The following SDK1 variants were observed in gnomAD, a reference collection of about 807,000 sequenced individuals.
SDK1 encodes sidekick cell adhesion molecule 1, also known as protein sidekick-1.
SDK1 carries 157 observed loss-of-function variants against 245.5 expected under a neutral mutation model. The ratio of observed to expected loss-of-function variants is 0.64; its 90% CI spans 0.56 to 0.73. The LOEUF is 0.73. Ranked by LOEUF, SDK1 falls within the 30% of genes least tolerant of loss-of-function variation. The probability of loss-of-function intolerance (pLI) is 0.00; values close to 1 mark genes in which losing one functional copy is unlikely to be tolerated. For missense variants in SDK1, 3,583 were observed against 3,002.3 expected, an observed-to-expected ratio of 1.19 and a Z score of -4.52; for synonymous variants, 1,647 against 1,278.5, an observed-to-expected ratio of 1.29 and a Z score of -6.15.
intron 1 of SDK1, among the ~76,000 whole-genome samples, chr7:3,384,574 T>C (rs1781564282): frequency 6.8e-6 from 1 of 146,586 alleles, no homozygotes; most frequent in Non-Finnish European, 1.5e-5. Context: ...TTTCCACTCT[T>C]GTTTTACATC....
intron 16 of SDK1, among the ~76,000 whole-genome samples, chr7:4,016,220 C>T (rs373466168): frequency 6.6e-6 from 1 of 152,220 alleles, no homozygotes; most frequent in African/African-American, 2.4e-5. Context: ...TTTCCACATG[C>T]CGTGAAAAGC....
intron 35 of SDK1, among the ~76,000 whole-genome samples, chr7:4,180,669 C>T (rs1019472343): frequency 3.9e-5 from 6 of 152,188 alleles, no homozygotes; most frequent in South Asian, 2.1e-4. Context: ...CTGCAGGCTG[C>T]GCAGGAAGCA....
chr7:3,445,934 G>T (rs544991961), intron 1 of SDK1, among the ~76,000 whole-genome samples: 2 of 150,752 alleles, frequency 1.3e-5, no homozygotes, highest in African/African-American at 2.4e-5. Context: ...CTTGAGGGTC[G>T]GTCTACTGGA....
At chr7:3,405,023 G>T (rs1779011160) in intron 1 of SDK1, among the ~76,000 whole-genome samples, 1 of 152,076 alleles carries the variant, frequency 6.6e-6, no homozygotes, top group Admixed American at 6.6e-5. Context: ...ACTAACAGTT[G>T]CCAGAGGGTG....
chr7:4,225,378 C>G (rs959740151), intron 40 of SDK1, among the ~76,000 whole-genome samples: 4 of 152,198 alleles, frequency 2.6e-5, no homozygotes, highest in Non-Finnish European at 4.4e-5. Context: ...GACAAGCACA[C>G]CAATGTGTCT....
chr7:3,441,338 A>C (rs1299303569), intron 1 of SDK1, among the ~76,000 whole-genome samples: 2 of 152,178 alleles, frequency 1.3e-5, no homozygotes, highest in Non-Finnish European at 2.9e-5. Flanking sequence ...TCTTGCAGAT[A>C]AGGAGGACTC....
At chr7:4,137,655 T>G (rs943774387) in intron 28 of SDK1, among the ~76,000 whole-genome samples, 1 of 152,236 alleles carries the variant, frequency 6.6e-6, no homozygotes, top group Non-Finnish European at 1.5e-5. Flanking sequence ...CATATTATCA[T>G]AATTCACCCA....
chr7:3,740,890 G>C (rs1457450735), intron 4 of SDK1, among the ~76,000 whole-genome samples: 1 of 152,112 alleles, frequency 6.6e-6, no homozygotes, highest in Non-Finnish European at 1.5e-5. Flanking sequence ...CCATTCCTGA[G>C]GTCCTTCTTT....
intron 22 of SDK1, among the ~76,000 whole-genome samples, chr7:4,090,030 C>T (rs1444682984): frequency 6.6e-6 from 1 of 152,192 alleles, no homozygotes; most frequent in African/African-American, 2.4e-5. Flanking sequence ...CTTTAGGAGT[C>T]GTCCTAGGTG....
At chr7:3,837,408 C>T (rs921766893) in intron 5 of SDK1, among the ~76,000 whole-genome samples, 1 of 152,186 alleles carries the variant, frequency 6.6e-6, no homozygotes, top group East Asian at 1.9e-4. Flanking sequence ...TGTGCATTCT[C>T]CTAAGGAAGA....
intron 35 of SDK1, among the ~76,000 whole-genome samples, 167 bp downstream of exon 35, chr7:4,178,753 C>G (rs1445476040): frequency 6.6e-6 from 1 of 152,204 alleles, no homozygotes. Flanking sequence ...AAGATGGGCT[C>G]AGCTGAGAGC....
intron 1 of SDK1, among the ~76,000 whole-genome samples, chr7:3,357,607 C>T (rs146110988): frequency 1.6e-4 from 25 of 151,944 alleles, no homozygotes; most frequent in African/African-American, 4.3e-4. Context: ...CTTGGCCTCC[C>T]GAAGTGCTGG....
chr7:3,769,370 G>A (rs1356294163), intron 4 of SDK1, among the ~76,000 whole-genome samples: 4 of 152,060 alleles, frequency 2.6e-5, no homozygotes, highest in African/African-American at 9.7e-5. Context: ...TATAGTGAGG[G>A]GGACTGAGCC....
intron 4 of SDK1, among the ~76,000 whole-genome samples, chr7:3,718,416 G>A (rs1785264786): frequency 6.6e-6 from 1 of 151,876 alleles, no homozygotes; most frequent in African/African-American, 2.4e-5. Flanking sequence ...CCTAAGGTGG[G>A]AGGATCGCTT....
intron 4 of SDK1, among the ~76,000 whole-genome samples, chr7:3,776,721 G>A (rs547081295): frequency 2.2e-4 from 33 of 149,010 alleles, no homozygotes; most frequent in Non-Finnish European, 3.7e-4. Flanking sequence ...TTTTTTTTCT[G>A]GAAGAAATAC....
intron 1 of SDK1, among the ~76,000 whole-genome samples, chr7:3,414,569 C>G (rs140805232): frequency 2.6e-5 from 4 of 152,088 alleles, no homozygotes; most frequent in East Asian, 1.9e-4. Context: ...AAAGTAATAC[C>G]TTATGTTTTT....
intron 1 of SDK1, among the ~76,000 whole-genome samples, chr7:3,408,979 C>T (rs945837029): frequency 2.6e-5 from 4 of 152,206 alleles, no homozygotes; most frequent in Non-Finnish European, 5.9e-5. Flanking sequence ...TTAAGTGGTT[C>T]TCTCAGCCCT....
intron 28 of SDK1, among the ~76,000 whole-genome samples, chr7:4,133,089 G>A (rs575101081): frequency 7.9e-5 from 12 of 152,280 alleles, no homozygotes; most frequent in African/African-American, 2.4e-4. Flanking sequence ...ACCTAGCCTT[G>A]GTTCCCATGT....
chr7:3,928,825 T>C (rs1024885830), intron 5 of SDK1, among the ~76,000 whole-genome samples: 1 of 152,152 alleles, frequency 6.6e-6, no homozygotes, highest in Non-Finnish European at 1.5e-5. Context: ...GGAAACTAAG[T>C]CCCAGAGGTG....
Sources: gnomAD v4.1 joint callset for allele counts (sites outside exome capture counted in the v4.1 genomes callset) on GRCh38, gnomAD v4.1.1 for gene constraint, MANE v1.5 for transcripts, NCBI Gene and HGNC (gene_info 2026-07-23, HGNC 2026-07-21) for gene names.